FHIP1A: variants seen among roughly 807,000 people sequenced by gnomAD.
The protein encoded by FHIP1A is FHF complex subunit HOOK interacting protein 1A, also known as FHF complex subunit HOOK-interacting protein 1A.
Under a neutral mutation model 88.6 loss-of-function variants are expected in FHIP1A, and 61 were observed. That is an observed-to-expected ratio of 0.69 (90% CI 0.56 to 0.85). FHIP1A has a LOEUF of 0.85. Among genes scored for constraint, FHIP1A ranks in the 40% least tolerant of loss-of-function variants. The pLI, the probability that FHIP1A is intolerant of heterozygous loss-of-function variation, is 0.00. For synonymous variants in FHIP1A, 478 were observed against 496.0 expected (o/e 0.96, Z 0.48); for missense variants, 1,154 against 1,273.5 (o/e 0.91, Z 1.43).
At chr4:151,623,450 AC>A (rs1735823427) in intron 7 of FHIP1A, among the ~76,000 whole-genome samples, 2 of 138,344 alleles carry the variant, frequency 1.4e-5, no homozygotes, top group Admixed American at 1.5e-4. Context: ...TTCCCCCTCC[AC>A]CCCCGAAAAT....
intron 13 of FHIP1A, among the ~76,000 whole-genome samples, chr4:151,661,862 T>C (rs529705894): frequency 1.3e-5 from 2 of 152,350 alleles, no homozygotes; most frequent in South Asian, 4.1e-4. Context: ...AAGTTCTTAA[T>C]CTGGTCTTTC....
At chr4:151,509,562 G>A (rs1302690154) in intron 3 of FHIP1A, among the ~76,000 whole-genome samples, 1 of 152,074 alleles carries the variant, frequency 6.6e-6, no homozygotes, top group Non-Finnish European at 1.5e-5. Flanking sequence ...CCATTTGTGA[G>A]CTCATTTTTG....
intron 8 of FHIP1A, among the ~76,000 whole-genome samples, chr4:151,632,437 A>C (rs1007439351): frequency 8.6e-5 from 13 of 151,974 alleles, no homozygotes; most frequent in Admixed American, 3.3e-4. Context: ...TATCAGACAG[A>C]AGATAAAGAA....
chr4:151,471,610 CT>C (rs1473973838), intron 2 of FHIP1A, among the ~76,000 whole-genome samples: 2 of 151,012 alleles, frequency 1.3e-5, no homozygotes, highest in Non-Finnish European at 3.0e-5. Flanking sequence ...TGGGAGATTT[CT>C]TTTTTTTTAA....
intron 3 of FHIP1A, among the ~76,000 whole-genome samples, chr4:151,536,043 G>A (rs1732055604): frequency 6.6e-6 from 1 of 152,232 alleles, no homozygotes; most frequent in Non-Finnish European, 1.5e-5. Context: ...TCTGGAAAGA[G>A]TGGGCCATTT....
intron 4 of FHIP1A, among the ~76,000 whole-genome samples, chr4:151,576,387 C>T (rs1158665803): frequency 6.6e-6 from 1 of 152,136 alleles, no homozygotes; most frequent in Non-Finnish European, 1.5e-5. Context: ...ACCATCAAGG[C>T]TCACTGCAGC....
chr4:151,614,899 CT>C (rs944437256), intron 7 of FHIP1A, among the ~76,000 whole-genome samples: 1 of 152,132 alleles, frequency 6.6e-6, no homozygotes, highest in African/African-American at 2.4e-5. Context: ...TCACATAAAG[CT>C]TTTTTCCCCC....
chr4:151,475,865 G>GTT (rs1561511965), intron 2 of FHIP1A, among the ~76,000 whole-genome samples: 14 of 147,588 alleles, frequency 9.5e-5, no homozygotes, highest in African/African-American at 3.0e-4. Context: ...CTCTATTATC[G>GTT]ATTTTTTTTT....
chr4:151,644,633 T>G (rs552956691), intron 9 of FHIP1A, among the ~76,000 whole-genome samples: 3 of 152,274 alleles, frequency 2.0e-5, no homozygotes, highest in African/African-American at 4.8e-5. Flanking sequence ...ATTGCAGGCA[T>G]GAGGCACAGT....
chr4:151,485,567 G>A lies in FHIP1A; in HGVS notation c.-123+2919G>A, dbSNP rs187438908. Among the ~76,000 whole-genome samples the A allele has an allele frequency of 5.3e-5, 8 of 151,208 alleles. No individual in the cohort carries two copies. The East Asian group carries it at 1.6e-3, about 29-fold the overall frequency. On this transcript the variant is annotated intron_variant, in intron 3 of 13. Coordinates refer to ENST00000435205, the MANE Select transcript of FHIP1A (RefSeq NM_001109977.3). ...AAATGTAAATTCTTGGACTGAATCA[G>A]AAGCCCAGAGGGTGGAGCTCAGAGT...
intron 5 of FHIP1A, among the ~76,000 whole-genome samples, chr4:151,582,911 G>C (rs1734077393): frequency 6.6e-6 from 1 of 152,162 alleles, no homozygotes; most frequent in African/African-American, 2.4e-5. Flanking sequence ...AATAGAATGT[G>C]CTATTCATCT....
At chr4:151,495,450 C>T (rs1467761130) in intron 3 of FHIP1A, among the ~76,000 whole-genome samples, 14 of 148,692 alleles carry the variant, frequency 9.4e-5, no homozygotes, top group Non-Finnish European at 3.0e-5. Context: ...TGCAGTGAGC[C>T]GAGATTGTGC....
chr4:151,444,121 A>T (rs981974480), intron 1 of FHIP1A, among the ~76,000 whole-genome samples: 1 of 150,782 alleles, frequency 6.6e-6, no homozygotes, highest in African/African-American at 2.5e-5. Context: ...GTGAGCGCAT[A>T]CTCCTTACCC....
At chr4:151,540,191 T>A (rs1396349939) in intron 3 of FHIP1A, among the ~76,000 whole-genome samples, 1 of 152,240 alleles carries the variant, frequency 6.6e-6, no homozygotes, top group African/African-American at 2.4e-5. Flanking sequence ...AATGATTATG[T>A]ACCTTAAATG....
intron 3 of FHIP1A, among the ~76,000 whole-genome samples, chr4:151,557,673 C>T (rs2093131417): frequency 1.3e-5 from 2 of 152,204 alleles, no homozygotes; most frequent in South Asian, 4.1e-4. Context: ...GGGTGGCGGC[C>T]ATCCAGTCAA....
intron 3 of FHIP1A, among the ~76,000 whole-genome samples, chr4:151,507,931 T>C (rs1309313619): frequency 6.6e-6 from 1 of 152,214 alleles, no homozygotes; most frequent in East Asian, 1.9e-4. Flanking sequence ...GCTTGAGTAG[T>C]ACTGAACTTA....
chr4:151,473,314 C>CT (rs936575108), intron 2 of FHIP1A, among the ~76,000 whole-genome samples: 2 of 151,800 alleles, frequency 1.3e-5, no homozygotes, highest in African/African-American at 4.8e-5. Flanking sequence ...CAATGCTTAT[C>CT]TTTTTTTTAA....
At chr4:151,492,759 A>G (rs1489994112) in intron 3 of FHIP1A, among the ~76,000 whole-genome samples, 1 of 152,174 alleles carries the variant, frequency 6.6e-6, no homozygotes, top group Admixed American at 6.5e-5. Context: ...TGAAATCAAC[A>G]TGGACATTAA....
chr4:151,563,979 G>A (rs1733279501), intron 3 of FHIP1A, among the ~76,000 whole-genome samples: 1 of 152,022 alleles, frequency 6.6e-6, no homozygotes, highest in Non-Finnish European at 1.5e-5. Flanking sequence ...GACGGATTGA[G>A]ACCCTGTCTC....
Sources: gnomAD v4.1 joint callset for allele counts (sites outside exome capture counted in the v4.1 genomes callset) on GRCh38, gnomAD v4.1.1 for gene constraint, MANE v1.5 for transcripts, NCBI Gene and HGNC (gene_info 2026-07-23, HGNC 2026-07-21) for gene names.